The following LTBP2 variants were observed in gnomAD, a reference collection of about 807,000 sequenced individuals.
LTBP2 encodes latent transforming growth factor beta binding protein 2, also known as latent-transforming growth factor beta-binding protein 2.
Under a neutral mutation model 210.6 loss-of-function variants are expected in LTBP2, and 103 were observed. The ratio of observed to expected loss-of-function variants is 0.49; its 90% confidence interval spans 0.42 to 0.58. LTBP2 has a LOEUF of 0.58. Ranked by LOEUF, LTBP2 falls within the 20% of genes least tolerant of loss-of-function variation. The pLI is 0.00. For synonymous variants in LTBP2, 1,007 were observed against 1,015.0 expected, an observed-to-expected ratio of 0.99 and a Z score of 0.15; for missense variants, 2,313 against 2,494.5, an observed-to-expected ratio of 0.93 and a Z score of 1.55.
intron 30 of LTBP2, among the ~76,000 whole-genome samples, 196 bp downstream of exon 30, chr14:74,504,582 C>T (rs1371293821): frequency 6.6e-6 from 1 of 152,214 alleles, no homozygotes; most frequent in Non-Finnish European, 1.5e-5. Context: ...AGGTGAGGCT[C>T]ATGTGGACAC....
chr14:74,529,211 G>T, intron 10 of LTBP2, 89 bp from the exon 11 acceptor site: 1 of 1,456,342 alleles, frequency 6.9e-7, no homozygotes, highest in Non-Finnish European at 9.4e-7. Flanking sequence ...GGTGTGGCTG[G>T]CCACATGCAC....
Position 74,552,286 on chromosome 14 carries a change from G to T in LTBP2, c.1300C>A (p.Pro434Thr). Residue 434 changes from proline (P) to threonine (T), a missense_variant, in exon 6 of 36, where the codon CCG (proline) becomes ACG (threonine). Physicochemically the swap from Pro to Thr is conservative, Grantham distance 38 (BLOSUM62 -1). This residue lies in a region of LTBP2 where 1,867 missense variants were observed against 1,976.9 expected (regional missense o/e 0.94). Transcript: ENST00000261978. ...GKFCHLPIPQ[P>T]DREPPGRGSR... ...CCCCTCCCTGGAGGCTCCCTGTCCG[G>T]CTGCGGGATAGGCAGGTGGCAGAAC... 6.2e-7 allele frequency: 1 copy of T among 1,613,364 alleles called. No homozygotes were observed. The highest frequency in any genetic ancestry group is 8.5e-7 in the Non-Finnish European group (1 of 1,179,950).
At position 74,503,303 on chromosome 14, in the gene LTBP2, G is replaced by A. The variant is rs774784164; in HGVS notation, c.4804C>T (p.His1602Tyr). Residue 1602 changes from histidine (H) to tyrosine (Y), a missense_variant, in exon 33 of 36, where the codon CAC (histidine) becomes TAC (tyrosine). By Grantham distance (83) the His-to-Tyr change is moderately conservative. Coordinates refer to ENST00000261978, the MANE Select transcript of LTBP2 (RefSeq NM_000428.3). The stretch of plus-strand genomic sequence containing the variant: ...CAGCATTCCGTGTAGGTGGTGCGGT[G>A]CCCACGCAGGGGTTCGCTGCACACA... The part of the protein sequence containing the change: ...NDVCSEPLRG[H>Y]RTTYTECCCQ... The A allele has an allele frequency of 6.2e-7, 1 of 1,614,040 alleles. No homozygotes were observed. The highest frequency in any genetic ancestry group is 8.5e-7 in the Non-Finnish European group (1 of 1,180,032).
chr14:74,501,663 G>C, intron 34 of LTBP2, 73 bp from the exon 35 acceptor site: 1 of 1,591,548 alleles, frequency 6.3e-7, no homozygotes, highest in South Asian at 1.1e-5. Flanking sequence ...TGGGACCCTC[G>C]CCCTTCTGGA....
intron 3 of LTBP2, among the ~76,000 whole-genome samples, chr14:74,566,037 T>C (rs2087897715): frequency 6.6e-6 from 1 of 152,032 alleles, no homozygotes. Context: ...CAGTTTGCGC[T>C]TTTCACGGAC....
rs559517580 is a variant in LTBP2, at chr14:74,611,951, G to C, written c.-7C>G. The stretch of plus-strand genomic sequence containing the variant: ...CTTTGGTCCGCGGCCTCATGGCGCG[G>C]GGCGGCTGGAGAGTGGTGCGCGCGG... On this transcript the variant is annotated 5_prime_UTR_variant, in exon 1 of 36. Coordinates refer to ENST00000261978, the MANE Select transcript of LTBP2 (RefSeq NM_000428.3). The C allele has an allele frequency of 1.1e-5, 18 of 1,571,126 alleles. No homozygotes were observed. The South Asian group carries it at 1.7e-4, about 15-fold the overall frequency.
chr14:74,605,572 CT>C (rs1431316462), intron 1 of LTBP2, among the ~76,000 whole-genome samples: 2 of 152,186 alleles, frequency 1.3e-5, no homozygotes, highest in African/African-American at 4.8e-5. Flanking sequence ...GACAAGACCT[CT>C]CGTGGGGCTA....
Position 74,501,589 on chromosome 14 carries a change from C to T in LTBP2, c.5172G>A (p.Glu1724=), listed in dbSNP as rs1051538171. 1.1e-5 allele frequency: 17 copies of T among 1,614,012 alleles called. No individual in the cohort carries two copies. The highest frequency in any genetic ancestry group is 1.4e-5 in the Non-Finnish European group (17 of 1,180,030). ...GAAGCCCTTCGAAGCCGGCTGGGGG[C>T]TCTGGGAGGAGGAAATCGGAGAGAG... The part of the protein sequence containing the change: ...LQPHYVASHP[E]PPAGFEGLQA... The change falls in exon 35 of 36, where the codon GAG becomes GAA. Residue 1724 remains glutamate, a splice_region_variant and synonymous_variant. Coordinates refer to ENST00000261978, the MANE Select transcript of LTBP2 (RefSeq NM_000428.3).
intron 8 of LTBP2, among the ~76,000 whole-genome samples, chr14:74,536,319 G>A (rs2139727842): frequency 6.6e-6 from 1 of 152,328 alleles, no homozygotes; most frequent in Admixed American, 6.5e-5. Context: ...CCAGGGCCTG[G>A]GGGAGAGGGG....
chr14:74,523,109 C>T lies in LTBP2; in HGVS notation c.2531-191G>A, dbSNP rs114413881. 0.027 allele frequency among the ~76,000 whole-genome samples: 4,156 copies of T among 152,190 alleles called. 79 individuals carry two copies. The highest frequency in any genetic ancestry group is 0.085 in the South Asian group (409 of 4,818). On this transcript the variant is annotated intron_variant, in intron 15 of 35. Transcript: ENST00000261978. Reference sequence around the variant, plus strand: ...CCTAGGGGACCTCTGCCCAGCACCCCGAGCCCTACCCAGGATGGAGGTCAT... The same window carrying T: ...CCTAGGGGACCTCTGCCCAGCACCCTGAGCCCTACCCAGGATGGAGGTCAT...
chr14:74,535,919 G>A lies in LTBP2; in HGVS notation c.1864+7C>T. On this transcript the variant is annotated splice_region_variant and intron_variant, in intron 9 of 35. Coordinates refer to ENST00000261978, the MANE Select transcript of LTBP2 (RefSeq NM_000428.3). ...CTTGAGCCCAGCCCTGGCCCTGGGG[G>A]TCCTACCTTGGCAGTGAGTGAGGTT... 6.2e-7 allele frequency: 1 copy of A among 1,613,820 alleles called. No homozygotes were observed. Among genetic ancestry groups the A allele is most frequent in the Non-Finnish European group, 8.5e-7 (1 of 1,179,712 alleles).
rs746922042 is a variant in LTBP2, at chr14:74,503,267, C to T, written c.4840G>A (p.Gly1614Ser). The T allele has an allele frequency of 1.1e-5, 17 of 1,613,978 alleles. No homozygotes were observed. Among genetic ancestry groups the T allele is most frequent in the East Asian group, 6.7e-5 (3 of 44,900 alleles). Residue 1614 changes from glycine (G) to serine (S), a missense_variant, in exon 33 of 36, where the codon GGC (glycine) becomes AGC (serine). By Grantham distance (56) the Gly-to-Ser change is moderately conservative. Around this residue, in one of 3 missense-constraint regions of LTBP2, gnomAD observed 443 missense variants for 501.4 expected, o/e 0.88. Transcript: ENST00000261978. ...TTYTECCCQD[G>S]EAWSQQCALC... ...GCACACTGCTGGCTCCAGGCCTCGC[C>T]GTCCTGGCAGCAGCATTCCGTGTAG...
Position 74,501,434 on chromosome 14 carries a change from C to T in LTBP2, c.5320+7G>A. On this transcript the variant is annotated splice_region_variant and intron_variant, in intron 35 of 35. Coordinates refer to ENST00000261978, the MANE Select transcript of LTBP2 (RefSeq NM_000428.3). The stretch of plus-strand genomic sequence containing the variant: ...GCCTGACTCCTCCATCAGAATTCTG[C>T]ACTTACCTACGCAGGCCATGTGGGC... 1 of 1,614,098 alleles carries T rather than the reference C, an allele frequency of 6.2e-7. No homozygotes were observed. The highest frequency in any genetic ancestry group is 1.1e-5 in the South Asian group (1 of 91,084).
chr14:74,599,926 C>A (rs1327592008), intron 2 of LTBP2, among the ~76,000 whole-genome samples: 1 of 152,256 alleles, frequency 6.6e-6, no homozygotes, highest in Non-Finnish European at 1.5e-5. Context: ...TGTCAGCCCC[C>A]ATCTCTCACT....
chr14:74,530,566 A>T (rs1055570707), intron 10 of LTBP2, among the ~76,000 whole-genome samples: 1 of 152,240 alleles, frequency 6.6e-6, no homozygotes, highest in African/African-American at 2.4e-5. Flanking sequence ...CCCAGGCTGC[A>T]GTATAGTGGC....
At chr14:74,543,563 TC>T (rs1186069374) in intron 8 of LTBP2, among the ~76,000 whole-genome samples, 2,499 of 149,340 alleles carry the variant, frequency 0.017, 129 homozygotes, top group African/African-American at 0.06. Flanking sequence ...CCTTCCTTCC[TC>T]CCTTCCTTCC....
intron 7 of LTBP2, 53 bp from the exon 8 acceptor site, chr14:74,550,018 G>T: frequency 8.4e-7 from 1 of 1,191,084 alleles, no homozygotes; most frequent in Non-Finnish European, 1.3e-6. Context: ...CTCCCAGGCT[G>T]TGCACAGAGA....
In LTBP2 at chr14:74,500,266, C is replaced by T. The variant is rs2086894996; in HGVS notation, c.*618G>A. ...CTTACATTCAACAAGCTAATATCAGCCTTGCTTCTCTGAGTGAAGGGATCT... is the reference window on the plus strand; with the variant it reads ...CTTACATTCAACAAGCTAATATCAGTCTTGCTTCTCTGAGTGAAGGGATCT... On this transcript the variant is annotated 3_prime_UTR_variant, in exon 36 of 36. Coordinates refer to ENST00000261978, the MANE Select transcript of LTBP2 (RefSeq NM_000428.3). The T allele has an allele frequency of 4.2e-6, 1 of 239,696 alleles. No homozygotes were observed. Among genetic ancestry groups the T allele is most frequent in the Non-Finnish European group, 8.2e-6 (1 of 121,656 alleles). 14.8% of individuals were successfully genotyped at this position (239,696 alleles called of 1,614,324 possible).
At chr14:74,600,156 A>G (rs560933228) in intron 2 of LTBP2, among the ~76,000 whole-genome samples, 1 of 152,260 alleles carries the variant, frequency 6.6e-6, no homozygotes, top group African/African-American at 2.4e-5. Flanking sequence ...CCAACACCCC[A>G]CCGCCCGCCT....
Sources: gnomAD v4.1 joint callset for allele counts (sites outside exome capture counted in the v4.1 genomes callset) on GRCh38, gnomAD v4.1.1 for gene constraint, gnomAD v4.1.1 regional missense constraint, MANE v1.5 for transcripts, NCBI Gene and HGNC (gene_info 2026-07-23, HGNC 2026-07-21) for gene names.